The following VPS52 variants were observed in gnomAD, a reference collection of about 807,000 sequenced individuals.
The protein encoded by VPS52 is vacuolar protein sorting-associated protein 52 homolog.
A neutral mutation model predicts 98.7 loss-of-function variants in VPS52; 56 were observed. That is an observed-to-expected ratio of 0.57 (90% CI 0.46 to 0.71). The LOEUF (loss-of-function observed/expected upper bound fraction) is 0.71, where lower values mean the gene tolerates loss of function less well. VPS52 is among the 30% of genes least tolerant of loss of function. VPS52 has a pLI of 0.00. For synonymous variants in VPS52, 348 were observed against 346.4 expected (o/e 1.00, Z -0.05); for missense variants, 742 against 925.9 (o/e 0.80, Z 2.58).
intron 1 of VPS52, among the ~76,000 whole-genome samples, chr6:33,270,950 C>CAAAAA (rs9280391): frequency 2.4e-5 from 2 of 84,674 alleles, no homozygotes; most frequent in Admixed American, 1.3e-4. Flanking sequence ...GACTCCGTCT[C>CAAAAA]AAAAAAAAAA....
rs566870040 is a variant in VPS52 at position 33,267,831 on chromosome 6, T to C, written c.933+34A>G. The C allele has an allele frequency of 3.6e-4, 581 of 1,613,008 alleles. 4 individuals are homozygous for C. The South Asian group carries it at 5.9e-3, about 16-fold the overall frequency. On this transcript the variant is annotated intron_variant, in intron 9 of 19. Transcript: ENST00000445902. The surrounding 1 kb of genome is among the most constrained non-coding windows in gnomAD (Gnocchi z 4.2). ...AGGGATGTCCCCTCCTCCCAGTCCA[T>C]GTGCCCAGGAATACCTCTCCCTCCT...
At position 33,266,674 on chromosome 6, in the gene VPS52, G is replaced by A. The variant is rs985890508; in HGVS notation, c.1164C>T (p.Ala388=). Residue 388 remains alanine, a synonymous_variant, in exon 12 of 20, where the codon GCC becomes GCT. Coordinates refer to ENST00000445902, the MANE Select transcript of VPS52 (RefSeq NM_022553.6). The part of the protein sequence containing the change: ...FEALFRSQHY[A]LLDNSCREYL... Reference sequence around the variant, plus strand: ...ATTCGCGGCAGGAATTGTCTAGGAGGGCGTAGTGCTGGCTGCGGAAGAGGG... The same window carrying A: ...ATTCGCGGCAGGAATTGTCTAGGAGAGCGTAGTGCTGGCTGCGGAAGAGGG... 1.2e-6 allele frequency: 2 copies of A among 1,612,608 alleles called. No homozygotes were observed. The highest frequency in any genetic ancestry group is 1.7e-6 in the Non-Finnish European group (2 of 1,179,782).
At chr6:33,252,406 T>G (rs568533921) in intron 17 of VPS52, among the ~76,000 whole-genome samples, 1 of 152,156 alleles carries the variant, frequency 6.6e-6, no homozygotes, top group Admixed American at 6.5e-5. Context: ...CTGGCCAACA[T>G]GATGAAACCC....
chr6:33,265,223 C>G (rs1464821813), intron 12 of VPS52, among the ~76,000 whole-genome samples: 1 of 152,042 alleles, frequency 6.6e-6, no homozygotes, highest in African/African-American at 2.4e-5. Flanking sequence ...ATTATAGGCG[C>G]CTGCCACCAC....
rs1354812006 is a variant in VPS52 at position 33,271,792 on chromosome 6, AG to A, written c.-118del. On this transcript the variant is annotated 5_prime_UTR_variant, in exon 1 of 20. Coordinates refer to ENST00000445902, the MANE Select transcript of VPS52 (RefSeq NM_022553.6). ...AAATCGTTCCCAGATATTTGAGTTA[AG>A]TTGTTTGACTCCAGCTGTCCCCTTT... 2.7e-6 allele frequency: 4 copies of A among 1,464,630 alleles called. No individual in the cohort carries two copies. In the East Asian group the frequency reaches 9.9e-5, roughly 36 times the overall value. 90.7% of individuals were successfully genotyped at this position (1,464,630 alleles called of 1,614,324 possible).
chr6:33,268,468 A>G lies in VPS52; in HGVS notation c.699+31T>C. ...AGATCTTGGGAAGGCTGCTTCCAGT[A>G]GCCTCCAGGGTATCCATCCCTACTT... is the stretch of plus-strand genomic sequence containing the variant. On this transcript the variant is annotated intron_variant, in intron 7 of 19. Transcript: ENST00000445902. The surrounding 1 kb of genome is among the most constrained non-coding windows in gnomAD (Gnocchi z 4.0). The G allele has an allele frequency of 6.4e-7, 1 of 1,560,530 alleles. No individual in the cohort carries two copies. The highest frequency in any genetic ancestry group is 8.7e-7 in the Non-Finnish European group (1 of 1,152,192).
intron 16 of VPS52, 90 bp downstream of exon 16, chr6:33,263,682 C>T: frequency 6.3e-6 from 10 of 1,580,986 alleles, no homozygotes; most frequent in Non-Finnish European, 7.8e-6. Context: ...CTGAACAAGA[C>T]AGGCATCATC....
chr6:33,263,974 T>G, intron 15 of VPS52, 34 bp downstream of exon 15: 1 of 1,612,328 alleles, frequency 6.2e-7, no homozygotes. Flanking sequence ...GAAGCAGCCC[T>G]GCTGCTGGGA....
chr6:33,271,752 G>T lies in VPS52; in HGVS notation c.-77C>A. 1 of 1,505,926 alleles carries T rather than the reference G, an allele frequency of 6.6e-7. No homozygotes were observed. 93.3% of individuals were successfully genotyped at this position (1,505,926 alleles called of 1,614,324 possible). On this transcript the variant is annotated 5_prime_UTR_variant, in exon 1 of 20. Coordinates refer to ENST00000445902, the MANE Select transcript of VPS52 (RefSeq NM_022553.6). ...GGAGTGGAGCTACAAGTCCCAAAGG[G>T]TCTTCCTCAGCGCGAAATCGTTCCC... is the stretch of plus-strand genomic sequence containing the variant.
Position 33,263,879 on chromosome 6 carries a change from C to T in VPS52, c.1621G>A (p.Val541Met). ...CGGAGGACAAAATTCTCCACCTCCA[C>T]CTGAAAAGGCAGAGAGGAAGAGGTG... Reference protein sequence around the residue: ...RTMQLLGQLQVEVENFVLRVA... With the variant: ...RTMQLLGQLQMEVENFVLRVA... The change falls in exon 16 of 20, where the codon GTG (valine) becomes ATG (methionine). Residue 541 changes from valine (V) to methionine (M), a missense_variant and splice_region_variant. Physicochemically the swap from Val to Met is conservative, Grantham distance 21 (BLOSUM62 1). Around this residue, in one of 2 missense-constraint regions of VPS52, gnomAD observed 590 missense variants for 793.3 expected, o/e 0.74. Coordinates refer to ENST00000445902, the MANE Select transcript of VPS52 (RefSeq NM_022553.6). 6.2e-7 allele frequency: 1 copy of T among 1,614,170 alleles called. No homozygotes were observed. Among genetic ancestry groups the T allele is most frequent in the Non-Finnish European group, 8.5e-7 (1 of 1,180,036 alleles).
intron 17 of VPS52, among the ~76,000 whole-genome samples, chr6:33,253,981 CATA>C (rs147931614): frequency 0.032 from 4,830 of 151,802 alleles, 241 homozygotes; most frequent in African/African-American, 0.11. Flanking sequence ...TGAAATTTCC[CATA>C]ATAAAATGTT....
Position 33,263,504 on chromosome 6 carries a change from G to T in VPS52, c.1774C>A (p.Leu592Met). The T allele has an allele frequency of 6.2e-7, 1 of 1,613,780 alleles. No individual in the cohort carries two copies. Among genetic ancestry groups the T allele is most frequent in the Non-Finnish European group, 8.5e-7 (1 of 1,179,962 alleles). Residue 592 changes from leucine (L) to methionine (M), a missense_variant, in exon 17 of 20, where the codon CTG becomes ATG. Around this residue, in one of 2 missense-constraint regions of VPS52, gnomAD observed 590 missense variants for 793.3 expected, o/e 0.74. Transcript: ENST00000445902. ...CCTACCTGTGTCCGAGCATTGAGCAGCTGCTGGAAGCTCTCAACCTCTTTG... is the reference window on the plus strand; with the variant it reads ...CCTACCTGTGTCCGAGCATTGAGCATCTGCTGGAAGCTCTCAACCTCTTTG... ...DSKEVESFQQ[L>M]LNARTQEFIE...
In VPS52 at chr6:33,269,142, G is replaced by A; in HGVS notation, c.420C>T (p.Ile140=). 6.2e-7 allele frequency: 1 copy of A among 1,613,054 alleles called. No homozygotes were observed. Among genetic ancestry groups the A allele is most frequent in the Non-Finnish European group, 8.5e-7 (1 of 1,180,024 alleles). Residue 140 remains isoleucine, a synonymous_variant, in exon 6 of 20, where the codon ATC becomes ATT. Coordinates refer to ENST00000445902, the MANE Select transcript of VPS52 (RefSeq NM_022553.6). ...CCTGCAGTGTCCGGATCTCAGAGCT[G>A]ATGGAGCTGAGGTCACTCTGAAAAG... ...LGAFQSDLSS[I]SSEIRTLQEQ... is the part of the protein sequence containing the mutation.
intron 17 of VPS52, among the ~76,000 whole-genome samples, chr6:33,252,770 GCA>G (rs1762452177): frequency 6.6e-6 from 1 of 152,028 alleles, no homozygotes; most frequent in Non-Finnish European, 1.5e-5. Context: ...TCAGAATGTA[GCA>G]CAGACAGAAG....
rs1451988941 is a variant in VPS52, at chr6:33,267,717, T to C, written c.956A>G (p.Asp319Gly). ...TGTATCTTCCACACCCATTAGATCA[T>C]CTTTCTCAGCGACTTCCTCATACTA... is the stretch of plus-strand genomic sequence containing the variant. Reference protein sequence around the residue: ...KVQYEEVAEKDDLMGVEDTAK... With the variant: ...KVQYEEVAEKGDLMGVEDTAK... Residue 319 changes from aspartate (D) to glycine (G), a missense_variant, in exon 10 of 20, where the codon GAT becomes GGT. Physicochemically the swap from Asp to Gly is moderately conservative, Grantham distance 94 (BLOSUM62 -1). This residue lies in a region of VPS52 where 590 missense variants were observed against 793.3 expected (regional missense o/e 0.74). Coordinates refer to ENST00000445902, the MANE Select transcript of VPS52 (RefSeq NM_022553.6). This position sits in a 1 kb window ranked among gnomAD's most constrained non-coding sequence, Gnocchi z 4.2. 1 of 1,612,894 alleles carries C rather than the reference T, an allele frequency of 6.2e-7. No homozygotes were observed. Among genetic ancestry groups the C allele is most frequent in the Non-Finnish European group, 8.5e-7 (1 of 1,180,036 alleles).
chr6:33,251,791 T>C, intron 18 of VPS52, 69 bp downstream of exon 18: 1 of 1,525,574 alleles, frequency 6.6e-7, no homozygotes, highest in Non-Finnish European at 9.1e-7. Flanking sequence ...CCATGTAATC[T>C]GCATCCTTTC....
rs182247783 is a variant in VPS52 at position 33,268,317 on chromosome 6, T to G, written c.700-109A>C. On this transcript the variant is annotated intron_variant, in intron 7 of 19. Transcript: ENST00000445902. This position sits in a 1 kb window ranked among gnomAD's most constrained non-coding sequence, Gnocchi z 4.0. ...AACATAGGCAGAAGGGTGGTGAATA[T>G]CTCTTTGGTATTTCTCAAGATTTTC... is the stretch of plus-strand genomic sequence containing the variant. The G allele has an allele frequency of 2.1e-4, 286 of 1,354,438 alleles. 1 individual carries two copies. In the Middle Eastern group the frequency reaches 2.4e-3, roughly 11 times the overall value. The allele number at this position is 1,354,438 out of a possible 1,614,324, so 83.9% of individuals were successfully genotyped here.
intron 17 of VPS52, among the ~76,000 whole-genome samples, chr6:33,263,071 GGATA>G (rs746095538): frequency 5.9e-4 from 90 of 151,772 alleles, no homozygotes; most frequent in Non-Finnish European, 7.7e-4. Flanking sequence ...ATGCTTGAGA[GGATA>G]GATAAAGAAA....
Position 33,251,634 on chromosome 6 carries a change from G to C in VPS52, c.1909C>G (p.Arg637Gly). ...QAERLRGEEARVTQLIRGFGS... is the reference protein window; with the variant it reads ...QAERLRGEEAGVTQLIRGFGS... ...AAGCCACGGATCAGCTGAGTTACCC[G>C]GGCTAATAGCAGGAGGAAACAGTGT... The change falls in exon 19 of 20, where the codon CGG (arginine) becomes GGG (glycine). Residue 637 changes from arginine (R) to glycine (G), a missense_variant and splice_region_variant. Arg to Gly is a moderately radical substitution (Grantham distance 125). Around this residue, in one of 2 missense-constraint regions of VPS52, gnomAD observed 590 missense variants for 793.3 expected, o/e 0.74. Transcript: ENST00000445902. The C allele has an allele frequency of 6.2e-7, 1 of 1,610,690 alleles. No individual in the cohort carries two copies. The highest frequency in any genetic ancestry group is 8.5e-7 in the Non-Finnish European group (1 of 1,177,524).
Sources: allele counts gnomAD v4.1 joint callset (sites outside exome capture counted in the v4.1 genomes callset), GRCh38; gene constraint gnomAD v4.1.1; regional missense constraint gnomAD v4.1.1; non-coding constraint Gnocchi (gnomAD v3.1); transcripts MANE v1.5; gene names NCBI Gene and HGNC (gene_info 2026-07-23, HGNC 2026-07-21).